The following ARHGEF2 variants were observed in gnomAD, a reference collection of about 807,000 sequenced individuals.
The protein encoded by ARHGEF2 is rho guanine nucleotide exchange factor 2.
A neutral mutation model predicts 121.0 loss-of-function variants in ARHGEF2; 22 were observed. The ratio of observed to expected loss-of-function variants is 0.18; its 90% CI spans 0.13 to 0.26. ARHGEF2 has a LOEUF of 0.26. ARHGEF2 is among the 10% of genes least tolerant of loss of function. The probability of loss-of-function intolerance (pLI) is 1.00; values close to 1 mark genes in which losing one functional copy is unlikely to be tolerated. For synonymous variants in ARHGEF2, 487 were observed against 530.0 expected (o/e 0.92, Z 1.11); for missense variants, 907 against 1,336.0 (o/e 0.68, Z 5.01).
In ARHGEF2 at chr1:155,951,772, C is replaced by T. The variant is rs1220647427; in HGVS notation, c.2177G>A (p.Arg726Gln). The T allele has an allele frequency of 3.1e-6, 5 of 1,613,882 alleles. No individual in the cohort carries two copies. The highest frequency in any genetic ancestry group is 2.2e-5 in the East Asian group (1 of 44,882). The change falls in exon 18 of 22, where the codon CGA becomes CAA. Residue 726 changes from arginine to glutamine, a missense_variant. Physicochemically the swap from Arg to Gln is conservative, Grantham distance 43 (BLOSUM62 1). This residue lies in a region of ARHGEF2 where 432 missense variants were observed against 559.5 expected (regional missense o/e 0.77). Transcript: ENST00000361247. The surrounding 1 kb of genome is among the most constrained non-coding windows in gnomAD (Gnocchi z 5.1). Reference protein sequence around the residue: ...RADSDSSQRDRNGNQLRSPQE... With the variant: ...RADSDSSQRDQNGNQLRSPQE... ...CGGTGATCTCAGCTGATTTCCATTTCGATCCTGCAGAAATGGGCAAGAATG... is the reference window on the plus strand; with the variant it reads ...CGGTGATCTCAGCTGATTTCCATTTTGATCCTGCAGAAATGGGCAAGAATG...
intron 1 of ARHGEF2, among the ~76,000 whole-genome samples, chr1:155,971,998 G>C (rs962252992): frequency 2.6e-5 from 4 of 151,924 alleles, no homozygotes; most frequent in African/African-American, 7.3e-5. Context: ...AGAATGGGCA[G>C]TGCTGCAGCT....
chr1:155,974,049 T>A (rs1465334951), intron 1 of ARHGEF2, among the ~76,000 whole-genome samples: 1 of 152,044 alleles, frequency 6.6e-6, no homozygotes, highest in East Asian at 1.9e-4. Context: ...TAATAGATTT[T>A]AAAAACTTAA....
Position 155,978,176 on chromosome 1 carries a change from G to A in ARHGEF2, c.63+189C>T. On this transcript the variant is annotated intron_variant, in intron 1 of 21. Transcript: ENST00000361247. This position sits in a 1 kb window ranked among gnomAD's most constrained non-coding sequence, Gnocchi z 4.1. ...CCGGGATCCCAGCACCGTCGCGTCTGCCGCTCCCCCCACCCCTACCCACTC... is the reference window on the plus strand; with the variant it reads ...CCGGGATCCCAGCACCGTCGCGTCTACCGCTCCCCCCACCCCTACCCACTC... The A allele has an allele frequency of 7.7e-7, 1 of 1,301,000 alleles. No homozygotes were observed. The highest frequency in any genetic ancestry group is 3.4e-5 in the Admixed American group (1 of 29,224). The allele number at this position is 1,301,000 out of a possible 1,614,324, so 80.6% of individuals were successfully genotyped here. A position where few individuals can be genotyped will look rare whatever the true frequency, so the allele number is the denominator to read the frequency against.
intron 2 of ARHGEF2, among the ~76,000 whole-genome samples, chr1:155,968,029 C>G (rs1679770334): frequency 6.6e-6 from 1 of 151,674 alleles, no homozygotes; most frequent in Middle Eastern, 3.4e-3. Flanking sequence ...CCGCTTTCCA[C>G]CTGCTCTCAA....
chr1:155,966,604 G>A (rs1679426263), intron 3 of ARHGEF2, 125 bp from the exon 4 acceptor site: 1 of 1,147,562 alleles, frequency 8.7e-7, no homozygotes. Context: ...ATGGTTAAGG[G>A]GATCAGGGTG....
rs1046630271 is a variant in ARHGEF2, at chr1:155,961,258, T to A, written c.1468+403A>T. 7.3e-5 allele frequency among the ~76,000 whole-genome samples: 11 copies of A among 151,438 alleles called. No individual in the cohort carries two copies. The highest frequency in any genetic ancestry group is 3.3e-4 in the Admixed American group (5 of 15,178). Reference sequence around the variant, plus strand: ...GAGTCTCACTGTTGTATGGGCTGCATAAAGGGAGGTTGATTCTTTTTTTTT... The same window carrying A: ...GAGTCTCACTGTTGTATGGGCTGCAAAAAGGGAGGTTGATTCTTTTTTTTT... On this transcript the variant is annotated intron_variant, in intron 11 of 21. Coordinates refer to ENST00000361247, the MANE Select transcript of ARHGEF2 (RefSeq NM_001162383.2). The surrounding 1 kb of genome is among the most constrained non-coding windows in gnomAD (Gnocchi z 4.7).
chr1:155,959,297 G>A (rs1423258016), intron 11 of ARHGEF2, among the ~76,000 whole-genome samples: 1 of 152,058 alleles, frequency 6.6e-6, no homozygotes, highest in South Asian at 2.1e-4. Context: ...CGCCTAGGCT[G>A]GAGTGCAGTG....
Position 155,963,406 on chromosome 1 carries a change from C to T in ARHGEF2, c.725-223G>A, listed in dbSNP as rs1163722661. 4.9e-5 allele frequency among the ~76,000 whole-genome samples: 7 copies of T among 142,222 alleles called. 1 individual carries two copies. In the East Asian group the frequency reaches 1.2e-3, roughly 25 times the overall value. The allele number at this position is 142,222 out of a possible 152,430, so 93.3% of individuals were successfully genotyped here. On this transcript the variant is annotated intron_variant, in intron 7 of 21. Transcript: ENST00000361247. ...TATTGCCCAGGCTGGAGTGCAATGGCGCGATCTCAGCTCACTGCAACCTCC... is the reference window on the plus strand; with the variant it reads ...TATTGCCCAGGCTGGAGTGCAATGGTGCGATCTCAGCTCACTGCAACCTCC...
At position 155,966,436 on chromosome 1, in the gene ARHGEF2, G is replaced by A; in HGVS notation, c.320C>T (p.Ser107Phe). The change falls in exon 4 of 22, where the codon TCC becomes TTC. Residue 107 changes from serine (S) to phenylalanine (F), a missense_variant. By Grantham distance (155) the Ser-to-Phe change is radical (BLOSUM62 -2). This residue lies in a region of ARHGEF2 where 475 missense variants were observed against 776.5 expected (regional missense o/e 0.61). Coordinates refer to ENST00000361247, the MANE Select transcript of ARHGEF2 (RefSeq NM_001162383.2). ...CTCACTCTTACTTCGAAGAGAAACG[G>A]ACTGCAAGGCGGTGTTGTTCTTCAG... ...ALLKNNTALQSVSLRSKTTIR... is the reference protein window; with the variant it reads ...ALLKNNTALQFVSLRSKTTIR... 2 of 1,614,144 alleles carry A rather than the reference G, an allele frequency of 1.2e-6. No individual in the cohort carries two copies. The highest frequency in any genetic ancestry group is 1.7e-6 in the Non-Finnish European group (2 of 1,179,998).
chr1:155,952,930 G>T, intron 14 of ARHGEF2, 102 bp from the exon 15 acceptor site: 1 of 1,081,328 alleles, frequency 9.2e-7, no homozygotes, highest in Non-Finnish European at 1.3e-6. Flanking sequence ...GGGCAGTGTG[G>T]CAGACTTAAT....
chr1:155,965,347 T>C lies in ARHGEF2; in HGVS notation c.536A>G (p.Asn179Ser), dbSNP rs1309891110. ...RILSQSTDSL[N>S]MRNRTLSVES... Reference sequence around the variant, plus strand: ...CACGGATAGGGTTCGGTTCCGCATGTTGAGGGAGTCTGTGGACTGTGAGAG... The same window carrying C: ...CACGGATAGGGTTCGGTTCCGCATGCTGAGGGAGTCTGTGGACTGTGAGAG... Residue 179 changes from asparagine (N) to serine (S), a missense_variant, in exon 6 of 22, where the codon AAC becomes AGC. By Grantham distance (46) the Asn-to-Ser change is conservative (BLOSUM62 1). Around this residue, in one of 2 missense-constraint regions of ARHGEF2, gnomAD observed 475 missense variants for 776.5 expected, o/e 0.61. Coordinates refer to ENST00000361247, the MANE Select transcript of ARHGEF2 (RefSeq NM_001162383.2). The surrounding 1 kb of genome is among the most constrained non-coding windows in gnomAD (Gnocchi z 6.0). 4 of 1,614,146 alleles carry C rather than the reference T, an allele frequency of 2.5e-6. No homozygotes were observed. Among genetic ancestry groups the C allele is most frequent in the Non-Finnish European group, 3.4e-6 (4 of 1,180,022 alleles).
Position 155,965,577 on chromosome 1 carries a change from T to A in ARHGEF2, c.470+54A>T. 6.2e-7 allele frequency: 1 copy of A among 1,610,946 alleles called. No individual in the cohort carries two copies. The highest frequency in any genetic ancestry group is 8.5e-7 in the Non-Finnish European group (1 of 1,179,450). On this transcript the variant is annotated intron_variant, in intron 5 of 21. Coordinates refer to ENST00000361247, the MANE Select transcript of ARHGEF2 (RefSeq NM_001162383.2). The surrounding 1 kb of genome is among the most constrained non-coding windows in gnomAD (Gnocchi z 6.0). Reference sequence around the variant, plus strand: ...TGGAAAGGGACCTCTCAGCACCCCCTTGGCCTCCACTGCCACACTCTCTGG... The same window carrying A: ...TGGAAAGGGACCTCTCAGCACCCCCATGGCCTCCACTGCCACACTCTCTGG...
In ARHGEF2 at chr1:155,961,525, C is replaced by G; in HGVS notation, c.1468+136G>C. ...TCCTGACCTCGTGATCCGCCCGCCT[C>G]GGCCTCCCTAAGTGCTGGGATTACA... On this transcript the variant is annotated intron_variant, in intron 11 of 21. Transcript: ENST00000361247. The surrounding 1 kb of genome is among the most constrained non-coding windows in gnomAD (Gnocchi z 4.7). 1 of 1,263,610 alleles carries G rather than the reference C, an allele frequency of 7.9e-7. No individual in the cohort carries two copies. Among genetic ancestry groups the G allele is most frequent in the Admixed American group, 2.2e-5 (1 of 45,998 alleles). 78.3% of individuals were successfully genotyped at this position (1,263,610 alleles called of 1,614,324 possible).
intron 4 of ARHGEF2, 143 bp downstream of exon 4, chr1:155,966,273 C>G: frequency 2.5e-6 from 2 of 789,242 alleles, no homozygotes; most frequent in Non-Finnish European, 4.2e-6. Flanking sequence ...CGAACCCTCC[C>G]TTAGGCCCCC....
In ARHGEF2 at chr1:155,947,932, A is replaced by G; in HGVS notation, c.*10T>C. On this transcript the variant is annotated 3_prime_UTR_variant, in exon 22 of 22. Transcript: ENST00000361247. ...TTCAGTGGGGCACGGGGCAGGGGGG[A>G]GGGGCCCCCTTAGCTCTCGGAGGCT... is the stretch of plus-strand genomic sequence containing the variant. The G allele has an allele frequency of 1.3e-6, 2 of 1,519,976 alleles. No individual in the cohort carries two copies. The highest frequency in any genetic ancestry group is 1.8e-6 in the Non-Finnish European group (2 of 1,120,308). The allele number at this position is 1,519,976 out of a possible 1,614,324, so 94.2% of individuals were successfully genotyped here.
At position 155,951,809 on chromosome 1, in the gene ARHGEF2, G is replaced by A. The variant is rs774588626; in HGVS notation, c.2173-33C>T. 7 of 1,613,596 alleles carry A rather than the reference G, an allele frequency of 4.3e-6. No individual in the cohort carries two copies. The highest frequency in any genetic ancestry group is 2.5e-6 in the Non-Finnish European group (3 of 1,179,990). ...AATGGGCAAGAATGGGGAGTCAGCA[G>A]GCACACAAATCCTGGGTGCCTGCCC... On this transcript the variant is annotated intron_variant, in intron 17 of 21. Coordinates refer to ENST00000361247, the MANE Select transcript of ARHGEF2 (RefSeq NM_001162383.2). The surrounding 1 kb of genome is among the most constrained non-coding windows in gnomAD (Gnocchi z 5.1).
chr1:155,958,621 G>A (rs1393276255), intron 11 of ARHGEF2, among the ~76,000 whole-genome samples: 1 of 149,332 alleles, frequency 6.7e-6, no homozygotes, highest in East Asian at 1.9e-4. Flanking sequence ...TGTTGTTCAG[G>A]CTGGAGTGCA....
rs573890828 is a variant in ARHGEF2, at chr1:155,948,365, C to T, written c.2888-350G>A. On this transcript the variant is annotated intron_variant, in intron 21 of 21. Transcript: ENST00000361247. ...TACTTTAAAAACTGGCCCCATGGCTCGTGCTTATAATCCTAACACTTTGGG... is the reference window on the plus strand; with the variant it reads ...TACTTTAAAAACTGGCCCCATGGCTTGTGCTTATAATCCTAACACTTTGGG... 1.1e-4 allele frequency among the ~76,000 whole-genome samples: 16 copies of T among 152,292 alleles called. 1 individual carries two copies. The East Asian group carries it at 3.1e-3, about 29-fold the overall frequency.
At chr1:155,953,265 CAA>C (rs71827896) in intron 14 of ARHGEF2, among the ~76,000 whole-genome samples, 11 of 133,802 alleles carry the variant, frequency 8.2e-5, no homozygotes, top group Non-Finnish European at 1.1e-4. Context: ...GACTCTGTCT[CAA>C]AAAAAAAAAA....
Sources: gnomAD v4.1 joint callset for allele counts (sites outside exome capture counted in the v4.1 genomes callset) on GRCh38, gnomAD v4.1.1 for gene constraint, gnomAD v4.1.1 regional missense constraint, Gnocchi (gnomAD v3.1) non-coding constraint, MANE v1.5 for transcripts, NCBI Gene and HGNC (gene_info 2026-07-23, HGNC 2026-07-21) for gene names.